TENT5D: variants seen among roughly 807,000 people sequenced by gnomAD.
TENT5D encodes terminal nucleotidyltransferase 5D, also known as cancer/testis antigen 112.
For synonymous variants in TENT5D, 103 were observed against 100.6 expected (o/e 1.02, Z -0.15); for missense variants, 191 against 287.0 (o/e 0.67, Z 2.42).
At chrX:80,366,010 T>C (rs1930503613) in intron 3 of TENT5D, among the ~76,000 whole-genome samples, 1 of 111,651 alleles carries the variant, frequency 9.0e-6, no homozygotes, top group Non-Finnish European at 1.9e-5. Context: ...CACCATATTT[T>C]ATTGTGTCAT....
chrX:80,395,931 A>G (rs1194817352), intron 3 of TENT5D, among the ~76,000 whole-genome samples: 1 of 106,743 alleles, frequency 9.4e-6, no homozygotes, highest in Admixed American at 1.1e-4. Context: ...TAGCTTCCAC[A>G]TATGAGTGAG....
At chrX:80,417,946 A>G (rs1931808358), upstream of TENT5D, among the ~76,000 whole-genome samples, 1 of 111,170 alleles carries the variant, frequency 9.0e-6, no homozygotes, top group Admixed American at 9.6e-5. Flanking sequence ...AAGGGTGCCA[A>G]TCAGGTGTAG....
At chrX:80,369,629 C>T (rs763415616) in intron 3 of TENT5D, among the ~76,000 whole-genome samples, 1 of 112,124 alleles carries the variant, frequency 8.9e-6, no homozygotes, top group East Asian at 2.8e-4. Context: ...ACATGGTTTG[C>T]GTTGCACTTG....
rs551037565 is a variant in TENT5D, at chrX:80,392,584, T to G, written c.-141-46026T>G. Among the ~76,000 whole-genome samples, 10 of 86,662 alleles carry G rather than the reference T, an allele frequency of 1.2e-4. 1 individual carries two copies. In the South Asian group the frequency reaches 7.3e-3, roughly 63 times the overall value. The allele number at this position is 86,662 out of a possible 115,157, so 75.3% of individuals were successfully genotyped here. On this transcript the variant is annotated intron_variant, in intron 3 of 4. Transcript: ENST00000538312. ...GACTGCGGACTGCAGTGGCGCAATC[T>G]CGGCTCACTGCAAGCTCCGCTTCCC...
intron 3 of TENT5D, among the ~76,000 whole-genome samples, chrX:80,352,774 G>C (rs1401098631): frequency 1.9e-5 from 2 of 105,083 alleles, no homozygotes; most frequent in African/African-American, 7.0e-5. Flanking sequence ...GTGTCTGCCT[G>C]AACAGCTGCC....
chrX:80,344,673 A>ATCATAGCAGAAGTGGT (rs769034005), intron 3 of TENT5D, among the ~76,000 whole-genome samples: 2 of 110,958 alleles, frequency 1.8e-5, no homozygotes, highest in Non-Finnish European at 3.8e-5. Flanking sequence ...ATATTCATGG[A>ATCATAGCAGAAGTGGT]TCATAGCAGA....
At chrX:80,359,443 A>G (rs779598666) in intron 3 of TENT5D, among the ~76,000 whole-genome samples, 53 of 112,317 alleles carry the variant, frequency 4.7e-4, no homozygotes, top group Non-Finnish European at 8.4e-4. Context: ...AATGTGGCAC[A>G]TATACACCAT....
intron 3 of TENT5D, among the ~76,000 whole-genome samples, chrX:80,385,173 A>G (rs1930966001): frequency 1.8e-5 from 2 of 111,718 alleles, no homozygotes; most frequent in Admixed American, 1.9e-4. Flanking sequence ...TTCAAACTAT[A>G]CTACAAGGCT....
intron 3 of TENT5D, among the ~76,000 whole-genome samples, chrX:80,361,278 G>C (rs1930401164): frequency 8.9e-6 from 1 of 111,804 alleles, no homozygotes; most frequent in Non-Finnish European, 1.9e-5. Flanking sequence ...GATGGGCACA[G>C]GTAAGTTTTG....
chrX:80,354,477 C>G (rs776746696), intron 3 of TENT5D, among the ~76,000 whole-genome samples: 1 of 112,284 alleles, frequency 8.9e-6, no homozygotes, highest in African/African-American at 3.2e-5. Context: ...TCAATCTATT[C>G]TGTTATTAAT....
chrX:80,416,100 C>CTT (rs369668058), upstream of TENT5D, among the ~76,000 whole-genome samples: 1 of 102,708 alleles, frequency 9.7e-6, no homozygotes, highest in African/African-American at 3.5e-5. Context: ...AGGTTTTTTT[C>CTT]TTTTTTTTTT....
intron 3 of TENT5D, among the ~76,000 whole-genome samples, chrX:80,347,805 G>T (rs1236844253): frequency 8.9e-6 from 1 of 112,050 alleles, no homozygotes; most frequent in Non-Finnish European, 1.9e-5. Flanking sequence ...TATAGTTTCA[G>T]GTTTTACATT....
chrX:80,350,247 C>T (rs758961374), intron 3 of TENT5D, among the ~76,000 whole-genome samples: 38 of 110,544 alleles, frequency 3.4e-4, no homozygotes, highest in African/African-American at 7.9e-4. Flanking sequence ...GACAGTGGGG[C>T]GTTAAAGTCT....
At chrX:80,436,799 C>A (rs937836473) in intron 1 of TENT5D, among the ~76,000 whole-genome samples, 14 of 111,413 alleles carry the variant, frequency 1.3e-4, no homozygotes, top group Non-Finnish European at 2.4e-4. Context: ...CTTATTGATA[C>A]AATAAGGACT....
intron 3 of TENT5D, among the ~76,000 whole-genome samples, chrX:80,368,277 C>T (rs913285144): frequency 8.9e-6 from 1 of 111,766 alleles, no homozygotes; most frequent in Non-Finnish European, 1.9e-5. Flanking sequence ...TGAGGGCCTC[C>T]TTGACTTTCA....
chrX:80,439,182 T>C (rs894861831), intron 2 of TENT5D, among the ~76,000 whole-genome samples: 1 of 111,921 alleles, frequency 8.9e-6, no homozygotes, highest in Admixed American at 9.5e-5. Flanking sequence ...TGTTTTGTGC[T>C]TCTATTGAGG....
At chrX:80,344,520 T>G (rs550114000) in intron 3 of TENT5D, among the ~76,000 whole-genome samples, 1 of 110,674 alleles carries the variant, frequency 9.0e-6, no homozygotes, top group East Asian at 2.8e-4. Context: ...ATGGTATATC[T>G]TATGGTTTTG....
chrX:80,392,486 CATTTT>C (rs1931149390), intron 3 of TENT5D, among the ~76,000 whole-genome samples: 1 of 80,477 alleles, frequency 1.2e-5, no homozygotes, highest in Non-Finnish European at 2.4e-5. Flanking sequence ...GCTTTATTCT[CATTTT>C]ATTCTTTTTT....
At chrX:80,366,541 T>C (rs755126787) in intron 3 of TENT5D, among the ~76,000 whole-genome samples, 1 of 111,576 alleles carries the variant, frequency 9.0e-6, no homozygotes, top group Admixed American at 9.6e-5. Flanking sequence ...GCACAAGTGC[T>C]AAATGTTTTT....
Sources: allele counts gnomAD v4.1 joint callset (sites outside exome capture counted in the v4.1 genomes callset), GRCh38; gene constraint gnomAD v4.1.1; transcripts MANE v1.5; gene names NCBI Gene and HGNC (gene_info 2026-07-23, HGNC 2026-07-21).